PTPRD: variants seen among roughly 807,000 people sequenced by gnomAD.
PTPRD encodes the protein receptor-type tyrosine-protein phosphatase delta.
In PTPRD, 34 loss-of-function variants were observed where a neutral mutation model predicts 214.5. The ratio of observed to expected loss-of-function variants is 0.16; its 90% CI spans 0.12 to 0.21. The LOEUF is 0.21. Among genes scored for constraint, PTPRD ranks in the 10% least tolerant of loss-of-function variants. The probability of loss-of-function intolerance (pLI) is 1.00; values close to 1 mark genes in which losing one functional copy is unlikely to be tolerated. For missense variants in PTPRD, 2,545 were observed against 2,398.7 expected, an observed-to-expected ratio of 1.06 and a Z score of -1.27; for synonymous variants, 1,128 against 845.7, an observed-to-expected ratio of 1.33 and a Z score of -5.79.
intron 11 of PTPRD, among the ~76,000 whole-genome samples, chr9:8,803,569 C>CA (rs1238674277): frequency 6.6e-6 from 1 of 151,720 alleles, no homozygotes; most frequent in African/African-American, 2.4e-5. Flanking sequence ...CCCGGTTCTA[C>CA]AAAAAATTAA....
chr9:8,950,998 CT>C (rs1457794797), intron 11 of PTPRD, among the ~76,000 whole-genome samples: 1 of 151,968 alleles, frequency 6.6e-6, no homozygotes, highest in Non-Finnish European at 1.5e-5. Context: ...TTGGGATAAG[CT>C]GGAAGAGTTC....
At chr9:10,515,563 G>T (rs973199046) in intron 2 of PTPRD, among the ~76,000 whole-genome samples, 1 of 120,324 alleles carries the variant, frequency 8.3e-6, no homozygotes, top group African/African-American at 2.7e-5. Flanking sequence ...CATTTTTATT[G>T]TTTTAATTTT....
intron 3 of PTPRD, among the ~76,000 whole-genome samples, chr9:10,231,292 G>A (rs1186344190): frequency 1.3e-5 from 2 of 151,672 alleles, no homozygotes; most frequent in Non-Finnish European, 2.9e-5. Flanking sequence ...ATAGCACATG[G>A]AATAGAGAGA....
At chr9:10,201,898 A>G (rs1417375642) in intron 3 of PTPRD, among the ~76,000 whole-genome samples, 2 of 143,858 alleles carry the variant, frequency 1.4e-5, no homozygotes, top group African/African-American at 2.8e-5. Flanking sequence ...TTTTCAGTAA[A>G]CTTTTTTTTT....
chr9:8,835,704 T>C (rs1331988763), intron 11 of PTPRD, among the ~76,000 whole-genome samples: 1 of 152,110 alleles, frequency 6.6e-6, no homozygotes, highest in Non-Finnish European at 1.5e-5. Context: ...AATTTATTTT[T>C]ACTTTTATTT....
chr9:9,488,094 G>A lies in PTPRD; in HGVS notation c.-237+86638C>T, dbSNP rs1023641472. 7.9e-5 allele frequency among the ~76,000 whole-genome samples: 12 copies of A among 152,240 alleles called. No homozygotes were observed. The East Asian group carries it at 2.3e-3, about 29-fold the overall frequency. On this transcript the variant is annotated intron_variant, in intron 8 of 45. Coordinates refer to ENST00000381196, the MANE Select transcript of PTPRD (RefSeq NM_002839.4). Reference sequence around the variant, plus strand: ...TTATTGTAACCTTTATTTTGCAGCAGAAGAAATGGAGACAGAAAGATAATG... The same window carrying A: ...TTATTGTAACCTTTATTTTGCAGCAAAAGAAATGGAGACAGAAAGATAATG...
intron 11 of PTPRD, among the ~76,000 whole-genome samples, chr9:8,812,719 G>C (rs1412123149): frequency 1.3e-5 from 2 of 151,852 alleles, no homozygotes; most frequent in Non-Finnish European, 2.9e-5. Context: ...AAACTCTGGA[G>C]AGGAGGACTC....
At chr9:9,719,270 C>A (rs75537748) in intron 7 of PTPRD, among the ~76,000 whole-genome samples, 1 of 152,064 alleles carries the variant, frequency 6.6e-6, no homozygotes, top group East Asian at 1.9e-4. Flanking sequence ...TCCTCTCCAC[C>A]ATGTTCAACC....
chr9:10,511,569 A>ATTTTTTTT (rs66768632), intron 2 of PTPRD, among the ~76,000 whole-genome samples: 6,094 of 127,470 alleles, frequency 0.048, 296 homozygotes, highest in Non-Finnish European at 0.057. Flanking sequence ...ACACCCTGGT[A>ATTTTTTTT]TTTTTTTTTT....
intron 11 of PTPRD, among the ~76,000 whole-genome samples, chr9:8,777,205 C>A (rs1251262824): frequency 2.6e-5 from 4 of 151,862 alleles, no homozygotes; most frequent in Middle Eastern, 3.2e-3. Context: ...ATCTTGAACT[C>A]CTGGGCTCAA....
Position 10,365,506 on chromosome 9 carries a change from C to A in PTPRD, c.-599-24489G>T, listed in dbSNP as rs2097498945. The stretch of plus-strand genomic sequence containing the variant: ...TTTTTATTTATTCTTCAAGATGATT[C>A]TTTATACTTGAAGTATTTTCCTATT... On this transcript the variant is annotated intron_variant, in intron 2 of 45. Transcript: ENST00000381196. 2.0e-5 allele frequency among the ~76,000 whole-genome samples: 3 copies of A among 152,072 alleles called. No individual in the cohort carries two copies. The South Asian group carries it at 6.2e-4, about 32-fold the overall frequency.
intron 8 of PTPRD, among the ~76,000 whole-genome samples, chr9:9,485,328 T>C (rs1249938768): frequency 6.6e-6 from 1 of 152,212 alleles, no homozygotes; most frequent in African/African-American, 2.4e-5. Flanking sequence ...TTTAGAGTAC[T>C]AAATTTAGTA....
chr9:9,327,691 G>T (rs983890486), intron 9 of PTPRD, among the ~76,000 whole-genome samples: 2 of 152,130 alleles, frequency 1.3e-5, no homozygotes, highest in South Asian at 2.1e-4. Flanking sequence ...TTCCTATATT[G>T]TTGTAATTCA....
At chr9:9,637,197 T>TCA (rs780618963) in intron 7 of PTPRD, among the ~76,000 whole-genome samples, 1 of 152,134 alleles carries the variant, frequency 6.6e-6, no homozygotes, top group Non-Finnish European at 1.5e-5. Flanking sequence ...TATGTCATTT[T>TCA]CACACACAAA....
intron 11 of PTPRD, among the ~76,000 whole-genome samples, chr9:8,993,368 G>GGAT (rs2099384920): frequency 6.6e-6 from 1 of 152,056 alleles, no homozygotes; most frequent in South Asian, 2.1e-4. Flanking sequence ...TGGCTTATAA[G>GGAT]GATGTATACA....
chr9:10,109,937 C>A (rs2098675341), intron 3 of PTPRD, among the ~76,000 whole-genome samples: 1 of 151,234 alleles, frequency 6.6e-6, no homozygotes, highest in African/African-American at 2.4e-5. Flanking sequence ...TCAGCTGTTT[C>A]CTGATATATG....
chr9:10,078,645 A>G (rs997875169), intron 3 of PTPRD, among the ~76,000 whole-genome samples: 2 of 151,668 alleles, frequency 1.3e-5, no homozygotes, highest in African/African-American at 4.8e-5. Flanking sequence ...TTCACTTTTC[A>G]GACAGTGAGT....
At chr9:10,600,899 G>A (rs552888584) in intron 2 of PTPRD, among the ~76,000 whole-genome samples, 2 of 151,870 alleles carry the variant, frequency 1.3e-5, no homozygotes, top group South Asian at 4.1e-4. Flanking sequence ...ATATGAGACA[G>A]CCTCTCCAAC....
At chr9:10,060,545 G>A (rs1264320376) in intron 3 of PTPRD, among the ~76,000 whole-genome samples, 1 of 151,912 alleles carries the variant, frequency 6.6e-6, no homozygotes, top group Non-Finnish European at 1.5e-5. Flanking sequence ...TCATGAACAT[G>A]ACAGAAATGT....
Sources: allele counts gnomAD v4.1 joint callset (sites outside exome capture counted in the v4.1 genomes callset), GRCh38; gene constraint gnomAD v4.1.1; transcripts MANE v1.5; gene names NCBI Gene and HGNC (gene_info 2026-07-23, HGNC 2026-07-21).